NAALADL2: variants seen among roughly 807,000 people sequenced by gnomAD.
The protein encoded by NAALADL2 is N-acetylated alpha-linked acidic dipeptidase like 2.
A neutral mutation model predicts 87.2 loss-of-function variants in NAALADL2; 76 were observed. The ratio of observed to expected loss-of-function variants is 0.87; its 90% confidence interval spans 0.72 to 1.05. NAALADL2 has a LOEUF of 1.05. Among genes scored for constraint, NAALADL2 ranks in the 50% least tolerant of loss-of-function variants. The pLI is 0.00. For synonymous variants in NAALADL2, 354 were observed against 331.0 expected (o/e 1.07, Z -0.75); for missense variants, 1,089 against 945.8 (o/e 1.15, Z -1.99).
chr3:175,244,796 C>G (rs552111836), intron 3 of NAALADL2, among the ~76,000 whole-genome samples: 2 of 152,194 alleles, frequency 1.3e-5, no homozygotes, highest in Non-Finnish European at 2.9e-5. Flanking sequence ...CCTGACTTCC[C>G]CTATTAAAGT....
intron 5 of NAALADL2, among the ~76,000 whole-genome samples, chr3:175,356,686 T>A (rs973622403): frequency 6.6e-6 from 1 of 151,238 alleles, no homozygotes; most frequent in Non-Finnish European, 1.5e-5. Context: ...TTCTTGAGAG[T>A]TCTAATTGAT....
intron 4 of NAALADL2, among the ~76,000 whole-genome samples, chr3:175,261,588 C>A (rs1751050752): frequency 6.6e-6 from 1 of 151,912 alleles, no homozygotes; most frequent in African/African-American, 2.4e-5. Context: ...TTTATAAATG[C>A]AGTAATATGC....
chr3:175,592,308 T>C (rs1469075555), intron 10 of NAALADL2, among the ~76,000 whole-genome samples: 1 of 3,936 alleles, frequency 2.5e-4, no homozygotes, highest in Non-Finnish European at 7.7e-4. Flanking sequence ...TTTTCTTTTC[T>C]TTTTTTTTTT....
intron 2 of NAALADL2, among the ~76,000 whole-genome samples, chr3:174,715,136 A>G (rs898808094): frequency 6.6e-6 from 1 of 152,178 alleles, no homozygotes; most frequent in Non-Finnish European, 1.5e-5. Flanking sequence ...CTGCCTAGAC[A>G]AGAAGGTTTA....
At chr3:175,498,746 C>A (rs1025605630) in intron 9 of NAALADL2, among the ~76,000 whole-genome samples, 4 of 151,950 alleles carry the variant, frequency 2.6e-5, no homozygotes, top group Non-Finnish European at 5.9e-5. Context: ...AAGCTATTTG[C>A]ACCAGAATTG....
chr3:174,698,796 G>A (rs992757371), intron 2 of NAALADL2, among the ~76,000 whole-genome samples: 1 of 109,592 alleles, frequency 9.1e-6, no homozygotes, highest in Non-Finnish European at 1.7e-5. Flanking sequence ...CCCGGGAGGC[G>A]GAGCTTGCAG....
intron 2 of NAALADL2, among the ~76,000 whole-genome samples, chr3:175,123,745 T>C (rs1367299179): frequency 6.6e-6 from 1 of 151,936 alleles, no homozygotes; most frequent in Admixed American, 6.6e-5. Context: ...CTGTGAAACA[T>C]TATCAAAGCC....
At chr3:175,282,411 A>G (rs187429814) in intron 4 of NAALADL2, among the ~76,000 whole-genome samples, 279 of 152,254 alleles carry the variant, frequency 1.8e-3, no homozygotes, top group Non-Finnish European at 2.1e-3. Flanking sequence ...AAATCCTGTG[A>G]CATCAGCTGC....
chr3:175,258,379 C>CATT (rs993634395), intron 4 of NAALADL2, among the ~76,000 whole-genome samples: 41 of 150,646 alleles, frequency 2.7e-4, no homozygotes, highest in Non-Finnish European at 8.9e-5. Context: ...CAGGCAGTCT[C>CATT]ATTTCAGATC....
chr3:174,828,343 G>T (rs1360086984), intron 3 of NAALADL2, among the ~76,000 whole-genome samples: 1 of 152,174 alleles, frequency 6.6e-6, no homozygotes, highest in East Asian at 1.9e-4. Context: ...TCCTATGAAG[G>T]TGTCTGCGAG....
chr3:174,915,720 A>C (rs1215837080), intron 1 of NAALADL2, among the ~76,000 whole-genome samples: 1 of 152,164 alleles, frequency 6.6e-6, no homozygotes, highest in Non-Finnish European at 1.5e-5. Context: ...TCACCCAATC[A>C]ATCTTACAGC....
chr3:174,640,990 G>A (rs954671046), intron 2 of NAALADL2, among the ~76,000 whole-genome samples: 5 of 152,332 alleles, frequency 3.3e-5, no homozygotes, highest in African/African-American at 1.2e-4. Flanking sequence ...CCCCCGGGCT[G>A]CACCCTCCCC....
At chr3:174,483,250 A>T (rs2108333878) in intron 1 of NAALADL2, among the ~76,000 whole-genome samples, 1 of 152,146 alleles carries the variant, frequency 6.6e-6, no homozygotes, top group East Asian at 1.9e-4. Flanking sequence ...GGCTTAATTG[A>T]CTCACAGTTC....
chr3:174,694,571 A>T (rs781000619), intron 2 of NAALADL2, among the ~76,000 whole-genome samples: 1 of 152,008 alleles, frequency 6.6e-6, no homozygotes, highest in Non-Finnish European at 1.5e-5. Flanking sequence ...ATTGTTATTG[A>T]TACAAATGAA....
At chr3:174,697,132 A>G (rs1179780446) in intron 2 of NAALADL2, among the ~76,000 whole-genome samples, 1 of 152,174 alleles carries the variant, frequency 6.6e-6, no homozygotes, top group African/African-American at 2.4e-5. Context: ...AAAAATACGC[A>G]TAGAAAATAA....
At chr3:175,055,529 G>A (rs938328849) in intron 1 of NAALADL2, among the ~76,000 whole-genome samples, 1 of 152,214 alleles carries the variant, frequency 6.6e-6, no homozygotes, top group Non-Finnish European at 1.5e-5. Flanking sequence ...GGCAGACATT[G>A]TACAGGGGTG....
intron 1 of NAALADL2, among the ~76,000 whole-genome samples, chr3:174,945,915 A>G (rs1306793007): frequency 6.6e-6 from 1 of 151,876 alleles, no homozygotes; most frequent in Non-Finnish European, 1.5e-5. Flanking sequence ...GTGTGGTGGC[A>G]TGCACCTGCG....
At chr3:175,722,772 A>G (rs1335573862) in intron 11 of NAALADL2, among the ~76,000 whole-genome samples, 1 of 152,142 alleles carries the variant, frequency 6.6e-6, no homozygotes, top group Non-Finnish European at 1.5e-5. Context: ...TTACAGTGAA[A>G]GGTCTGGCAC....
At chr3:174,489,332 C>T (rs1020291093) in intron 1 of NAALADL2, among the ~76,000 whole-genome samples, 1 of 151,856 alleles carries the variant, frequency 6.6e-6, no homozygotes, top group East Asian at 1.9e-4. Context: ...TATACAAAAA[C>T]GAACTCAAAA....
Sources: gnomAD v4.1 joint callset for allele counts (sites outside exome capture counted in the v4.1 genomes callset) on GRCh38, gnomAD v4.1.1 for gene constraint, MANE v1.5 for transcripts, NCBI Gene and HGNC (gene_info 2026-07-23, HGNC 2026-07-21) for gene names.